ZNF385B: variants seen among roughly 807,000 people sequenced by gnomAD.
The protein encoded by ZNF385B is zinc finger protein 533.
A neutral mutation model predicts 39.2 loss-of-function variants in ZNF385B; 23 were observed. That is an observed-to-expected ratio of 0.59 (90% confidence interval 0.42 to 0.83). ZNF385B has a LOEUF of 0.83. ZNF385B is among the 40% of genes least tolerant of loss of function. The pLI is 0.00. For missense variants in ZNF385B, 552 were observed against 598.9 expected, an observed-to-expected ratio of 0.92 and a Z score of 0.82; for synonymous variants, 205 against 222.6, an observed-to-expected ratio of 0.92 and a Z score of 0.70.
intron 3 of ZNF385B, among the ~76,000 whole-genome samples, chr2:179,723,506 A>C (rs1047463571): frequency 6.6e-6 from 1 of 152,236 alleles, no homozygotes; most frequent in African/African-American, 2.4e-5. Flanking sequence ...CTAAATAAGC[A>C]TTCAAAATGA....
chr2:179,686,415 T>G (rs1382393097), intron 3 of ZNF385B, among the ~76,000 whole-genome samples: 2 of 152,194 alleles, frequency 1.3e-5, no homozygotes, highest in African/African-American at 4.8e-5. Flanking sequence ...AAAATTGACA[T>G]TGAAAAGAGA....
At chr2:179,617,547 G>A (rs1323401067) in intron 3 of ZNF385B, among the ~76,000 whole-genome samples, 3 of 152,148 alleles carry the variant, frequency 2.0e-5, no homozygotes, top group Non-Finnish European at 2.9e-5. Flanking sequence ...CGATTTTAGT[G>A]TGCATGAGAA....
At chr2:179,852,332 T>C (rs1218896589) in intron 1 of ZNF385B, among the ~76,000 whole-genome samples, 1 of 152,206 alleles carries the variant, frequency 6.6e-6, no homozygotes, top group Non-Finnish European at 1.5e-5. Flanking sequence ...ATAGCCATAG[T>C]GGTCTCAATA....
intron 6 of ZNF385B, among the ~76,000 whole-genome samples, chr2:179,450,535 C>G (rs1235152406): frequency 6.6e-6 from 1 of 152,150 alleles, no homozygotes; most frequent in African/African-American, 2.4e-5. Flanking sequence ...AAATGCAAAT[C>G]AAAACCACAG....
chr2:179,673,429 T>A (rs1316645871), intron 3 of ZNF385B, among the ~76,000 whole-genome samples: 1 of 152,194 alleles, frequency 6.6e-6, no homozygotes, highest in Non-Finnish European at 1.5e-5. Flanking sequence ...ATGAAATAAT[T>A]GAAGAATTAT....
chr2:179,769,466 C>T (rs990247035), intron 3 of ZNF385B, 37 bp downstream of exon 3: 41 of 1,609,084 alleles, frequency 2.5e-5, no homozygotes, highest in African/African-American at 4.0e-5. Flanking sequence ...GACCATCTCT[C>T]CCCGCAGCAC....
intron 1 of ZNF385B, among the ~76,000 whole-genome samples, chr2:179,785,803 C>T (rs1194662555): frequency 6.6e-6 from 1 of 152,068 alleles, no homozygotes; most frequent in East Asian, 1.9e-4. Context: ...CTGTGAACAT[C>T]GCTGAAATGA....
intron 4 of ZNF385B, among the ~76,000 whole-genome samples, chr2:179,521,254 T>C (rs1247839416): frequency 6.6e-6 from 1 of 151,792 alleles, no homozygotes; most frequent in Non-Finnish European, 1.5e-5. Flanking sequence ...TGGTGCGATA[T>C]CAGCTCACTG....
chr2:179,727,088 G>A (rs946080404), intron 3 of ZNF385B, among the ~76,000 whole-genome samples: 1 of 151,976 alleles, frequency 6.6e-6, no homozygotes, highest in East Asian at 1.9e-4. Flanking sequence ...AGACTATAGC[G>A]ATGAGTTCAG....
At chr2:179,561,749 T>C (rs1363770495) in intron 3 of ZNF385B, among the ~76,000 whole-genome samples, 2 of 152,138 alleles carry the variant, frequency 1.3e-5, no homozygotes, top group African/African-American at 4.8e-5. Context: ...CCTACTCTTA[T>C]AACAGACAAT....
chr2:179,771,858 A>C (rs1219340012), intron 1 of ZNF385B, among the ~76,000 whole-genome samples: 2 of 152,236 alleles, frequency 1.3e-5, no homozygotes, highest in Non-Finnish European at 2.9e-5. Flanking sequence ...ACTGTGAAAC[A>C]TAAGAAAAGC....
chr2:179,482,858 A>T (rs570814029), intron 6 of ZNF385B, among the ~76,000 whole-genome samples: 4 of 152,284 alleles, frequency 2.6e-5, no homozygotes, highest in Admixed American at 1.3e-4. Context: ...AAAAATATCT[A>T]TTAGTAAACA....
intron 3 of ZNF385B, among the ~76,000 whole-genome samples, chr2:179,706,979 G>A (rs1273430014): frequency 6.6e-6 from 1 of 152,084 alleles, no homozygotes; most frequent in Non-Finnish European, 1.5e-5. Flanking sequence ...AATCATCCTG[G>A]GACCCCAAGA....
chr2:179,824,309 A>C (rs1707563283), intron 1 of ZNF385B, among the ~76,000 whole-genome samples: 1 of 152,144 alleles, frequency 6.6e-6, no homozygotes, highest in Non-Finnish European at 1.5e-5. Flanking sequence ...AGTCTATGTT[A>C]CCCAAATTGC....
chr2:179,762,817 T>C (rs1703478893), intron 3 of ZNF385B, among the ~76,000 whole-genome samples: 1 of 152,186 alleles, frequency 6.6e-6, no homozygotes, highest in Non-Finnish European at 1.5e-5. Context: ...ACCATATGAA[T>C]CCAGAAATTT....
intron 3 of ZNF385B, among the ~76,000 whole-genome samples, chr2:179,732,153 T>C (rs539134889): frequency 3.9e-5 from 6 of 152,338 alleles, no homozygotes; most frequent in African/African-American, 1.2e-4. Context: ...TGCTCTGTTT[T>C]TGCTGTCATT....
chr2:179,525,928 T>G (rs542863589), intron 4 of ZNF385B, among the ~76,000 whole-genome samples: 1 of 152,134 alleles, frequency 6.6e-6, no homozygotes, highest in Admixed American at 6.5e-5. Flanking sequence ...CCTTGAAAAC[T>G]TCAATAGAAA....
chr2:179,445,041 C>A, intron 8 of ZNF385B, 64 bp from the exon 9 acceptor site: 1 of 1,431,400 alleles, frequency 7.0e-7, no homozygotes, highest in Non-Finnish European at 9.9e-7. Flanking sequence ...AAACGTATTT[C>A]TAGGTAGCTA....
intron 1 of ZNF385B, among the ~76,000 whole-genome samples, chr2:179,805,358 T>C (rs1340696039): frequency 1.3e-5 from 2 of 152,140 alleles, no homozygotes; most frequent in Admixed American, 6.5e-5. Context: ...TTTTAGCCCA[T>C]AGATGTGTAA....
Sources: allele counts gnomAD v4.1 joint callset (sites outside exome capture counted in the v4.1 genomes callset), GRCh38; gene constraint gnomAD v4.1.1; transcripts MANE v1.5; gene names NCBI Gene and HGNC (gene_info 2026-07-23, HGNC 2026-07-21).